The following ANKFN1 variants were observed in gnomAD, a reference collection of about 807,000 sequenced individuals.
The protein encoded by ANKFN1 is ankyrin repeat and fibronectin type-III domain-containing protein 1.
ANKFN1 carries 74 observed loss-of-function variants against 108.7 expected under a neutral mutation model. The observed-to-expected ratio is 0.68, with a 90% CI of 0.56 to 0.83. The LOEUF (loss-of-function observed/expected upper bound fraction) is 0.83. ANKFN1 is among the 40% of genes least tolerant of loss of function. The pLI, the probability that ANKFN1 is intolerant of heterozygous loss-of-function variation, is 0.00. For synonymous variants in ANKFN1, 547 were observed against 516.2 expected (o/e 1.06, Z -0.81); for missense variants, 1,505 against 1,382.3 (o/e 1.09, Z -1.41).
chr17:56,429,501 C>T (rs943266024), intron 8 of ANKFN1, among the ~76,000 whole-genome samples: 10 of 152,166 alleles, frequency 6.6e-5, no homozygotes, highest in Admixed American at 3.3e-4. Flanking sequence ...ATAATTTTCA[C>T]GTTATGAAAT....
At chr17:56,218,844 A>G (rs962453727) in intron 2 of ANKFN1, among the ~76,000 whole-genome samples, 1 of 152,230 alleles carries the variant, frequency 6.6e-6, no homozygotes, top group Admixed American at 6.5e-5. Context: ...CTTTGATCCA[A>G]TGTTTCCCAA....
chr17:56,276,092 C>T (rs1346743223), intron 3 of ANKFN1, among the ~76,000 whole-genome samples: 1 of 152,088 alleles, frequency 6.6e-6, no homozygotes, highest in East Asian at 1.9e-4. Context: ...GTTCAATTCC[C>T]ACCTATGAGT....
intron 3 of ANKFN1, among the ~76,000 whole-genome samples, chr17:56,237,668 CT>C (rs1917254788): frequency 1.3e-5 from 2 of 152,090 alleles, no homozygotes; most frequent in South Asian, 4.2e-4. Flanking sequence ...TGGATCTTCT[CT>C]CTTTTCTTCT....
At position 56,403,131 on chromosome 17, in the gene ANKFN1, G is replaced by T. The variant is rs138887863; in HGVS notation, c.910+28417G>T. Among the ~76,000 whole-genome samples the T allele has an allele frequency of 5.3e-3, 811 of 152,156 alleles. 5 individuals are homozygous for T. The highest frequency in any genetic ancestry group is 0.018 in the African/African-American group (765 of 41,510). On this transcript the variant is annotated intron_variant, in intron 8 of 20. Transcript: ENST00000682825. ...TATGGCCTATAATATGGTCTATCTT[G>T]GAGAAAGTTCCATGTGCTGTTGAAT... is the stretch of plus-strand genomic sequence containing the variant.
intron 9 of ANKFN1, among the ~76,000 whole-genome samples, chr17:56,442,381 TA>T (rs146196524): frequency 5.5e-4 from 83 of 152,290 alleles, no homozygotes; most frequent in African/African-American, 1.9e-3. Context: ...TCTGAAAAGA[TA>T]TTTATTATAA....
chr17:56,116,120 C>G (rs1004441112), intron 4 of ANKFN1, among the ~76,000 whole-genome samples: 1 of 152,070 alleles, frequency 6.6e-6, no homozygotes, highest in African/African-American at 2.4e-5. Context: ...CAGGTAGAAC[C>G]GAGCATCCTC....
At chr17:56,421,384 A>G (rs976309709) in intron 8 of ANKFN1, among the ~76,000 whole-genome samples, 2 of 152,172 alleles carry the variant, frequency 1.3e-5, no homozygotes, top group Admixed American at 1.3e-4. Context: ...AGGGAGTCGG[A>G]GGGTCCCACA....
chr17:56,232,182 A>G (rs1916786111), intron 3 of ANKFN1, among the ~76,000 whole-genome samples: 1 of 152,148 alleles, frequency 6.6e-6, no homozygotes, highest in South Asian at 2.1e-4. Context: ...TTCTTCAGCC[A>G]TTCTTCACAC....
At chr17:56,193,169 G>A (rs376590137) in intron 1 of ANKFN1, among the ~76,000 whole-genome samples, 12,556 of 106,264 alleles carry the variant, frequency 0.12, 1,230 homozygotes, top group African/African-American at 0.3. Context: ...ACCAAACACC[G>A]CATATTCTCA....
At chr17:56,450,004 C>T (rs925048710) in intron 11 of ANKFN1, among the ~76,000 whole-genome samples, 15 of 152,148 alleles carry the variant, frequency 9.9e-5, no homozygotes, top group Admixed American at 2.6e-4. Flanking sequence ...ATCTGTGTAA[C>T]GATTCGTGGA....
chr17:56,060,076 T>C (rs1205024657), intron 4 of ANKFN1, among the ~76,000 whole-genome samples: 1 of 152,262 alleles, frequency 6.6e-6, no homozygotes. Flanking sequence ...GGAATGTTTT[T>C]CCATTTGTTT....
chr17:56,145,524 C>A (rs1206991904), intron 4 of ANKFN1, among the ~76,000 whole-genome samples: 1 of 152,034 alleles, frequency 6.6e-6, no homozygotes, highest in Non-Finnish European at 1.5e-5. Flanking sequence ...AGGGAGAAGC[C>A]CCTGATAAAA....
chr17:56,365,964 A>G (rs535799450), intron 6 of ANKFN1, among the ~76,000 whole-genome samples: 6 of 152,294 alleles, frequency 3.9e-5, no homozygotes, highest in African/African-American at 9.6e-5. Flanking sequence ...AACCAGCCTC[A>G]GGTCCTTCAG....
chr17:56,424,267 G>T (rs9899304), intron 8 of ANKFN1, among the ~76,000 whole-genome samples: 3,024 of 152,218 alleles, frequency 0.02, 91 homozygotes, highest in African/African-American at 0.067. Context: ...GTACCTCCAT[G>T]ATTCCTTCTC....
chr17:56,503,334 G>A (rs891917869), intron 20 of ANKFN1, among the ~76,000 whole-genome samples: 16 of 151,634 alleles, frequency 1.1e-4, no homozygotes, highest in Non-Finnish European at 2.1e-4. Context: ...ACAAGAATCT[G>A]GAGATATTAT....
At chr17:56,102,102 C>T (rs1231368816) in intron 4 of ANKFN1, among the ~76,000 whole-genome samples, 3 of 152,158 alleles carry the variant, frequency 2.0e-5, no homozygotes, top group Admixed American at 1.3e-4. Flanking sequence ...ATGTTTCAAA[C>T]TCCATATACT....
At chr17:56,055,719 CTCTT>C (rs1371154084) in intron 4 of ANKFN1, among the ~76,000 whole-genome samples, 1 of 150,178 alleles carries the variant, frequency 6.7e-6, no homozygotes, top group East Asian at 1.9e-4. Context: ...ATATTGATTT[CTCTT>C]TCTTTGGGTA....
intron 3 of ANKFN1, among the ~76,000 whole-genome samples, chr17:56,280,323 A>G (rs1320463805): frequency 6.6e-6 from 1 of 152,214 alleles, no homozygotes; most frequent in East Asian, 1.9e-4. Flanking sequence ...CAATCCACTG[A>G]GAACCCATAG....
At chr17:56,091,959 T>A (rs1237870229) in intron 4 of ANKFN1, among the ~76,000 whole-genome samples, 3 of 151,626 alleles carry the variant, frequency 2.0e-5, no homozygotes, top group African/African-American at 7.2e-5. Flanking sequence ...AATATGTCAC[T>A]TATGGAAACA....
Sources: gnomAD v4.1 joint callset for allele counts (sites outside exome capture counted in the v4.1 genomes callset) on GRCh38, gnomAD v4.1.1 for gene constraint, MANE v1.5 for transcripts, NCBI Gene and HGNC (gene_info 2026-07-23, HGNC 2026-07-21) for gene names.